NECTIN3: variants seen among roughly 807,000 people sequenced by gnomAD.
NECTIN3 encodes nectin-3.
Under a neutral mutation model 49.4 loss-of-function variants are expected in NECTIN3, and 8 were observed. The observed-to-expected ratio is 0.16, with a 90% confidence interval of 0.10 to 0.29. NECTIN3 has a LOEUF of 0.29. Among genes scored for constraint, NECTIN3 ranks in the 10% least tolerant of loss-of-function variants. NECTIN3 has a pLI of 1.00. For synonymous variants in NECTIN3, 277 were observed against 241.1 expected (o/e 1.15, Z -1.38); for missense variants, 581 against 654.6 (o/e 0.89, Z 1.23).
At chr3:111,093,459 T>C (rs1393738731) in intron 1 of NECTIN3, among the ~76,000 whole-genome samples, 1 of 150,254 alleles carries the variant, frequency 6.7e-6, no homozygotes, top group East Asian at 2.0e-4. Context: ...AGTTTCGCTC[T>C]TGTTGCCCAA....
At chr3:111,143,805 T>A (rs1046454517) in intron 5 of NECTIN3, among the ~76,000 whole-genome samples, 1 of 151,880 alleles carries the variant, frequency 6.6e-6, no homozygotes, top group African/African-American at 2.4e-5. Flanking sequence ...CAACCTAACT[T>A]TATTTCTCTC....
At chr3:111,077,083 T>G (rs1366522371) in intron 1 of NECTIN3, 1 of 194,986 alleles carries the variant, frequency 5.1e-6, no homozygotes, top group Non-Finnish European at 1.1e-5. Context: ...TTTAATGAGG[T>G]CTGCCTCCTA....
At chr3:111,098,667 G>A (rs1347691329) in intron 1 of NECTIN3, among the ~76,000 whole-genome samples, 2 of 152,104 alleles carry the variant, frequency 1.3e-5, no homozygotes, top group African/African-American at 4.8e-5. Flanking sequence ...TTCCAAATAA[G>A]ATAACAGGTT....
rs1483873011 is a variant in NECTIN3 at position 111,071,944 on chromosome 3, G to A, written c.-74G>A. The A allele has an allele frequency of 2.0e-5, 23 of 1,141,666 alleles. No individual in the cohort carries two copies. Among genetic ancestry groups the A allele is most frequent in the Middle Eastern group, 6.3e-4 (2 of 3,190 alleles). The allele number at this position is 1,141,666 out of a possible 1,614,324, so 70.7% of individuals were successfully genotyped here. On this transcript the variant is annotated 5_prime_UTR_variant, in exon 1 of 6. Transcript: ENST00000485303. ...GCGCGCCGGACCTTCCACAGCCTCC[G>A]CCCAGAGCCTGAGGCGCCGGGGCCG...
At chr3:111,146,307 G>A (rs1240815508) in intron 6 of NECTIN3, among the ~76,000 whole-genome samples, 3 of 150,574 alleles carry the variant, frequency 2.0e-5, no homozygotes, top group Non-Finnish European at 4.5e-5. Context: ...AGTGGCGGGC[G>A]CCTGTAGTCC....
intron 7 of NECTIN3, among the ~76,000 whole-genome samples, chr3:111,176,956 G>C (rs73229199): frequency 1.3e-5 from 2 of 152,066 alleles, no homozygotes; most frequent in Non-Finnish European, 2.9e-5. Context: ...TATATAGCCT[G>C]TTGTTTTAGG....
chr3:111,103,182 A>G (rs893783074), intron 1 of NECTIN3, among the ~76,000 whole-genome samples: 2 of 152,156 alleles, frequency 1.3e-5, no homozygotes, highest in Non-Finnish European at 2.9e-5. Flanking sequence ...TAGCCACAAA[A>G]TAACTTGCTG....
At chr3:111,191,396 T>C (rs754547668), upstream of NECTIN3, among the ~76,000 whole-genome samples, 2 of 152,162 alleles carry the variant, frequency 1.3e-5, no homozygotes, top group African/African-American at 2.4e-5. Flanking sequence ...AGTAGACTTA[T>C]AAATGTGATA....
At chr3:111,098,789 T>C (rs2032736766) in intron 1 of NECTIN3, among the ~76,000 whole-genome samples, 1 of 152,180 alleles carries the variant, frequency 6.6e-6, no homozygotes, top group African/African-American at 2.4e-5. Context: ...ACTTCCTGTA[T>C]TTTCAACCTG....
intron 6 of NECTIN3, among the ~76,000 whole-genome samples, chr3:111,145,757 A>G (rs2107508438): frequency 6.6e-6 from 1 of 152,348 alleles, no homozygotes; most frequent in African/African-American, 2.4e-5. Context: ...AGCTCTTTAC[A>G]AACGGCATTA....
chr3:111,119,644 T>C (rs553010223), intron 3 of NECTIN3, among the ~76,000 whole-genome samples: 2 of 152,334 alleles, frequency 1.3e-5, no homozygotes, highest in South Asian at 4.1e-4. Context: ...TTTCTTTGTC[T>C]TTCCTATATG....
intron 5 of NECTIN3, among the ~76,000 whole-genome samples, chr3:111,130,292 A>C (rs1323304525): frequency 6.6e-6 from 1 of 150,490 alleles, no homozygotes; most frequent in African/African-American, 2.5e-5. Flanking sequence ...CAGTAGTTAG[A>C]CTTTACTTTT....
chr3:111,118,644 ATATT>A lies in NECTIN3; in HGVS notation c.503-9_503-6del. 6.6e-7 allele frequency: 1 copy of A among 1,516,358 alleles called. No homozygotes were observed. 93.9% of individuals were successfully genotyped at this position (1,516,358 alleles called of 1,614,324 possible). On this transcript the variant is annotated splice_region_variant and splice_polypyrimidine_tract_variant and intron_variant, in intron 2 of 5. Transcript: ENST00000485303. ...TTGAATGTAACTAATTATTAAAAAA[ATATT>A]TAAACAGTTGAACCCACTGTGAGCC...
At chr3:111,143,227 A>G (rs1166864063) in intron 5 of NECTIN3, among the ~76,000 whole-genome samples, 1 of 151,910 alleles carries the variant, frequency 6.6e-6, no homozygotes, top group Non-Finnish European at 1.5e-5. Flanking sequence ...AATCTAGTAC[A>G]TATTCAAATG....
chr3:111,127,858 G>T (rs571974227), intron 5 of NECTIN3, among the ~76,000 whole-genome samples: 2 of 152,138 alleles, frequency 1.3e-5, no homozygotes, highest in African/African-American at 4.8e-5. Flanking sequence ...GTGAGCTACT[G>T]TGCCTGGCTG....
chr3:111,179,582 C>T lies in NECTIN3; in HGVS notation c.1222-12769C>T, dbSNP rs540177661. Among the ~76,000 whole-genome samples the T allele has an allele frequency of 2.0e-5, 3 of 152,136 alleles. No individual in the cohort carries two copies. In the East Asian group the frequency reaches 5.8e-4, roughly 29 times the overall value. On this transcript the variant is annotated intron_variant, in intron 7 of 8. Transcript: ENST00000493615. ...AGAGGAACTATAAGCAAATAAATCTCAAGTCTTGGGGAATAAGATCTAGGC... is the reference window on the plus strand; with the variant it reads ...AGAGGAACTATAAGCAAATAAATCTTAAGTCTTGGGGAATAAGATCTAGGC...
intron 1 of NECTIN3, among the ~76,000 whole-genome samples, chr3:111,084,728 C>G (rs918440618): frequency 7.9e-5 from 12 of 152,058 alleles, no homozygotes; most frequent in Admixed American, 2.6e-4. Flanking sequence ...AATAATACCT[C>G]TTAATAATTC....
At chr3:111,126,930 GTTAA>G (rs2034184863) in intron 5 of NECTIN3, among the ~76,000 whole-genome samples, 2 of 152,012 alleles carry the variant, frequency 1.3e-5, no homozygotes, top group Admixed American at 1.3e-4. Context: ...GAATATTTTT[GTTAA>G]TTTGGCTGAG....
At chr3:111,185,003 T>C (rs146435349) in intron 7 of NECTIN3, among the ~76,000 whole-genome samples, 370 of 152,354 alleles carry the variant, frequency 2.4e-3, no homozygotes, top group African/African-American at 8.3e-3. Context: ...TATCACTCAA[T>C]TCTAATCAAG....
Sources: allele counts gnomAD v4.1 joint callset (sites outside exome capture counted in the v4.1 genomes callset), GRCh38; gene constraint gnomAD v4.1.1; transcripts MANE v1.5; gene names NCBI Gene and HGNC (gene_info 2026-07-23, HGNC 2026-07-21).